Variants in RGS7 observed in about 807,000 individuals in gnomAD.
RGS7 encodes regulator of G protein signaling 7.
In RGS7, 27 loss-of-function variants were observed where a neutral mutation model predicts 81.1. The ratio of observed to expected loss-of-function variants is 0.33; its 90% CI spans 0.25 to 0.46. The LOEUF (loss-of-function observed/expected upper bound fraction) is 0.46. Ranked by LOEUF, RGS7 falls within the 20% of genes least tolerant of loss-of-function variation. The pLI is 1.00. For missense variants in RGS7, 396 were observed against 607.4 expected (o/e 0.65, Z 3.66); for synonymous variants, 208 against 207.7 (o/e 1.00, Z -0.01).
intron 2 of RGS7, among the ~76,000 whole-genome samples, chr1:241,260,996 A>G (rs1256398512): frequency 6.6e-6 from 1 of 151,848 alleles, no homozygotes; most frequent in Non-Finnish European, 1.5e-5. Context: ...TGGGTGCAGC[A>G]CACCAGCATG....
intron 2 of RGS7, among the ~76,000 whole-genome samples, chr1:241,112,636 AC>A (rs1305810457): frequency 2.0e-5 from 3 of 152,064 alleles, no homozygotes; most frequent in African/African-American, 4.8e-5. Context: ...GCTGAATCTG[AC>A]CTTTTTCTCT....
intron 2 of RGS7, among the ~76,000 whole-genome samples, chr1:241,112,295 G>T (rs1266562255): frequency 6.6e-6 from 1 of 151,878 alleles, no homozygotes; most frequent in Non-Finnish European, 1.5e-5. Context: ...GATGTCTCTG[G>T]GATGGTCTTA....
At chr1:241,327,151 G>GAAAGAAAAGAAAAGA (rs1553320983) in intron 2 of RGS7, among the ~76,000 whole-genome samples, 1 of 86,792 alleles carries the variant, frequency 1.2e-5, no homozygotes, top group Non-Finnish European at 3.3e-5. Context: ...AGAAAGGAAA[G>GAAAGAAAAGAAAAGA]AAAGAAAGAA....
rs1016034235 is a variant in RGS7 at position 241,352,895 on chromosome 1, T to G, written c.78+2804A>C. Among the ~76,000 whole-genome samples the G allele has an allele frequency of 2.0e-5, 3 of 152,330 alleles. No homozygotes were observed. In the East Asian group the frequency reaches 5.8e-4, roughly 29 times the overall value. On this transcript the variant is annotated intron_variant, in intron 2 of 18. Coordinates refer to ENST00000440928, the MANE Select transcript of RGS7 (RefSeq NM_001364886.1). The stretch of plus-strand genomic sequence containing the variant: ...TTTGGAAACCAATAGCCTATGAAGA[T>G]AAAATGGAAACAGCACATACATATC...
intron 6 of RGS7, among the ~76,000 whole-genome samples, chr1:240,929,701 T>G (rs1675077323): frequency 6.6e-6 from 1 of 152,232 alleles, no homozygotes; most frequent in African/African-American, 2.4e-5. Flanking sequence ...TTGTATATTA[T>G]GCCAGCTCCT....
intron 3 of RGS7, among the ~76,000 whole-genome samples, chr1:241,005,826 C>T (rs553867546): frequency 1.3e-5 from 2 of 152,288 alleles, no homozygotes; most frequent in East Asian, 3.9e-4. Context: ...TGAGCCACCG[C>T]GCCCGGCCAC....
chr1:241,323,286 A>G (rs540426314), intron 2 of RGS7, among the ~76,000 whole-genome samples: 14 of 152,342 alleles, frequency 9.2e-5, no homozygotes, highest in Admixed American at 6.5e-4. Context: ...ATACCAATGA[A>G]TGTTGTGACA....
chr1:240,887,267 T>C (rs1303053408), intron 6 of RGS7, among the ~76,000 whole-genome samples: 41 of 139,894 alleles, frequency 2.9e-4, no homozygotes, highest in African/African-American at 1.0e-3. Context: ...CTTGCTCTTT[T>C]GCCCAGGCCG....
chr1:241,157,530 G>C (rs943509579), intron 2 of RGS7, among the ~76,000 whole-genome samples: 11 of 152,106 alleles, frequency 7.2e-5, no homozygotes, highest in Non-Finnish European at 1.5e-4. Flanking sequence ...GTGTATCAAA[G>C]GAACAGATGC....
intron 6 of RGS7, among the ~76,000 whole-genome samples, chr1:240,903,978 T>C (rs1670426316): frequency 1.3e-5 from 2 of 152,190 alleles, no homozygotes; most frequent in Admixed American, 6.6e-5. Flanking sequence ...GTGAGCCAAA[T>C]AAACCTCTTT....
chr1:241,151,281 A>G (rs1176339320), intron 2 of RGS7, among the ~76,000 whole-genome samples: 2 of 152,224 alleles, frequency 1.3e-5, no homozygotes, highest in Non-Finnish European at 2.9e-5. Flanking sequence ...GAGAGACGGT[A>G]GCGGATACGC....
At chr1:241,147,780 T>TATATATATATATATA (rs2068424502) in intron 2 of RGS7, among the ~76,000 whole-genome samples, 22 of 44,644 alleles carry the variant, frequency 4.9e-4, no homozygotes, top group African/African-American at 1.2e-3. Flanking sequence ...AGATTAAGTT[T>TATATATATATATATA]TATATATATA....
At chr1:240,831,501 G>C (rs545078023) in intron 9 of RGS7, among the ~76,000 whole-genome samples, 82 of 152,024 alleles carry the variant, frequency 5.4e-4, no homozygotes, top group Admixed American at 5.4e-3. Context: ...ATGAAGGCAC[G>C]AGCCCTATCC....
intron 3 of RGS7, among the ~76,000 whole-genome samples, chr1:241,034,005 C>G (rs1328337543): frequency 6.6e-6 from 1 of 152,140 alleles, no homozygotes; most frequent in East Asian, 1.9e-4. Context: ...ATTATTTGAC[C>G]AAGGAACTCT....
intron 2 of RGS7, among the ~76,000 whole-genome samples, chr1:241,221,922 T>C (rs375781217): frequency 1.3e-5 from 2 of 152,222 alleles, no homozygotes; most frequent in African/African-American, 4.8e-5. Context: ...CACACACACA[T>C]ACATTTTATA....
chr1:241,049,628 A>T (rs111562432), intron 3 of RGS7, among the ~76,000 whole-genome samples: 1 of 152,276 alleles, frequency 6.6e-6, no homozygotes, highest in African/African-American at 2.4e-5. Context: ...GACCATAAAG[A>T]AGATGCTAAT....
At chr1:240,999,467 C>G (rs1467119753) in intron 3 of RGS7, among the ~76,000 whole-genome samples, 1 of 152,152 alleles carries the variant, frequency 6.6e-6, no homozygotes, top group Non-Finnish European at 1.5e-5. Context: ...ACAAGTTGGA[C>G]AAGTTTGTCA....
chr1:240,823,143 C>T, intron 10 of RGS7: 1 of 1,167,072 alleles, frequency 8.6e-7, no homozygotes, highest in South Asian at 1.2e-5. Context: ...CAACAATGGC[C>T]ACATTGGGGA....
chr1:241,318,296 T>C (rs2081003821), intron 2 of RGS7, among the ~76,000 whole-genome samples: 1 of 152,158 alleles, frequency 6.6e-6, no homozygotes, highest in Non-Finnish European at 1.5e-5. Flanking sequence ...ACATTAAATA[T>C]AAAATGAGAC....
Sources: gnomAD v4.1 joint callset for allele counts (sites outside exome capture counted in the v4.1 genomes callset) on GRCh38, gnomAD v4.1.1 for gene constraint, MANE v1.5 for transcripts, NCBI Gene and HGNC (gene_info 2026-07-23, HGNC 2026-07-21) for gene names.